Variants in GRM3 observed in about 807,000 individuals in gnomAD.
GRM3 encodes metabotropic glutamate receptor 3.
Under a neutral mutation model 70.5 loss-of-function variants are expected in GRM3, and 26 were observed. The ratio of observed to expected loss-of-function variants is 0.37; its 90% confidence interval spans 0.27 to 0.51. The LOEUF is 0.51. Ranked by LOEUF, GRM3 falls within the 20% of genes least tolerant of loss-of-function variation. The probability of loss-of-function intolerance (pLI) is 0.93; values close to 1 mark genes in which losing one functional copy is unlikely to be tolerated. For missense variants in GRM3, 859 were observed against 1,123.8 expected (o/e 0.76, Z 3.37); for synonymous variants, 443 against 434.9 (o/e 1.02, Z -0.23).
chr7:86,720,825 C>T (rs148283882), intron 1 of GRM3, among the ~76,000 whole-genome samples: 1 of 152,034 alleles, frequency 6.6e-6, no homozygotes, highest in East Asian at 1.9e-4. Context: ...GATGAAGCAC[C>T]TAACTATGGA....
intron 3 of GRM3, among the ~76,000 whole-genome samples, chr7:86,824,102 T>C (rs1798184823): frequency 6.6e-6 from 1 of 152,130 alleles, no homozygotes; most frequent in Non-Finnish European, 1.5e-5. Context: ...CCTCTGTCAG[T>C]CAGCCAGTGA....
intron 1 of GRM3, among the ~76,000 whole-genome samples, chr7:86,724,374 T>C (rs1795543093): frequency 6.6e-6 from 1 of 152,150 alleles, no homozygotes; most frequent in African/African-American, 2.4e-5. Context: ...GAACTTTCAT[T>C]AGTGCAGAGT....
At position 86,659,445 on chromosome 7, in the gene GRM3, A is replaced by T. The variant is rs186221272; in HGVS notation, c.-141+14573A>T. On this transcript the variant is annotated intron_variant, in intron 1 of 5. Coordinates refer to ENST00000361669, the MANE Select transcript of GRM3 (RefSeq NM_000840.3). The stretch of plus-strand genomic sequence containing the variant: ...AAGAGGAAAGTGAAGTACTAACACA[A>T]GGTAACATAGTAAGAGGATAGCTAG... Among the ~76,000 whole-genome samples, 8 of 152,260 alleles carry T rather than the reference A, an allele frequency of 5.3e-5. No homozygotes were observed. In the East Asian group the frequency reaches 1.4e-3, roughly 26 times the overall value.
rs539396413 is a variant in GRM3 at position 86,783,116 on chromosome 7, G to C, written c.469-3145G>C. Among the ~76,000 whole-genome samples the C allele has an allele frequency of 5.9e-5, 9 of 152,254 alleles. No homozygotes were observed. In the South Asian group the frequency reaches 6.2e-4, roughly 11 times the overall value. On this transcript the variant is annotated intron_variant, in intron 2 of 5. Transcript: ENST00000361669. ...CAGAACCAAGCTTTTAGACAAATGA[G>C]ACAGGAACCCAGTTAACAACTACCT...
At chr7:86,730,822 A>G (rs553648420) in intron 1 of GRM3, among the ~76,000 whole-genome samples, 1 of 152,284 alleles carries the variant, frequency 6.6e-6, no homozygotes, top group Non-Finnish European at 1.5e-5. Flanking sequence ...GTCACTTCTA[A>G]TCTTCTACTT....
At chr7:86,857,529 C>G (rs1440980325) in intron 5 of GRM3, among the ~76,000 whole-genome samples, 1 of 152,054 alleles carries the variant, frequency 6.6e-6, no homozygotes. Context: ...GTGGTTTAGA[C>G]CAGAGTGAGA....
chr7:86,753,336 A>G (rs911107248), intron 1 of GRM3, among the ~76,000 whole-genome samples: 9 of 152,168 alleles, frequency 5.9e-5, no homozygotes, highest in African/African-American at 2.2e-4. Context: ...TTACACATAT[A>G]TAAAATGAGA....
intron 1 of GRM3, among the ~76,000 whole-genome samples, chr7:86,750,616 G>C (rs1332021620): frequency 6.6e-6 from 1 of 151,880 alleles, no homozygotes; most frequent in Non-Finnish European, 1.5e-5. Flanking sequence ...AGAGTGACAA[G>C]AGATATTTGC....
chr7:86,719,283 A>G (rs1795396024), intron 1 of GRM3, among the ~76,000 whole-genome samples: 1 of 152,036 alleles, frequency 6.6e-6, no homozygotes, highest in Non-Finnish European at 1.5e-5. Flanking sequence ...GAAAATTAAG[A>G]AACCAGTAGG....
chr7:86,828,044 A>G (rs1011006454), intron 3 of GRM3, among the ~76,000 whole-genome samples: 2 of 147,206 alleles, frequency 1.4e-5, no homozygotes, highest in Non-Finnish European at 3.0e-5. Flanking sequence ...CCCGGGAGGC[A>G]GAGCTTGCAG....
intron 1 of GRM3, among the ~76,000 whole-genome samples, chr7:86,657,543 G>A (rs558397530): frequency 9.8e-5 from 15 of 152,320 alleles, no homozygotes; most frequent in African/African-American, 3.4e-4. Flanking sequence ...AGGTTAGAGT[G>A]TATGGGGGTC....
At chr7:86,795,689 G>T (rs1797533096) in intron 3 of GRM3, among the ~76,000 whole-genome samples, 1 of 152,084 alleles carries the variant, frequency 6.6e-6, no homozygotes, top group African/African-American at 2.4e-5. Context: ...CATTTGGGTT[G>T]GTTCCATGTC....
intron 1 of GRM3, among the ~76,000 whole-genome samples, chr7:86,698,902 G>A (rs1483175027): frequency 6.6e-6 from 1 of 151,898 alleles, no homozygotes; most frequent in East Asian, 1.9e-4. Context: ...AGAAAAACAT[G>A]GCCCCACTAG....
chr7:86,741,421 C>T (rs1562844885), intron 1 of GRM3, among the ~76,000 whole-genome samples: 1 of 152,198 alleles, frequency 6.6e-6, no homozygotes, highest in Non-Finnish European at 1.5e-5. Context: ...GGATCTTCCA[C>T]ACATGGGGCA....
At chr7:86,645,273 G>T (rs558891653) in intron 1 of GRM3, among the ~76,000 whole-genome samples, 1 of 152,290 alleles carries the variant, frequency 6.6e-6, no homozygotes, top group East Asian at 1.9e-4. Context: ...GTGGATACGG[G>T]CGGTTTCATG....
chr7:86,820,911 A>G (rs1461032415), intron 3 of GRM3, among the ~76,000 whole-genome samples: 1 of 152,156 alleles, frequency 6.6e-6, no homozygotes, highest in Non-Finnish European at 1.5e-5. Context: ...GATGACCCCC[A>G]AGGTGGAGAA....
chr7:86,831,841 T>C (rs116499046), intron 3 of GRM3, among the ~76,000 whole-genome samples: 22 of 147,926 alleles, frequency 1.5e-4, no homozygotes, highest in African/African-American at 5.5e-4. Flanking sequence ...TTCTCAAACA[T>C]TCACTTTCTC....
At chr7:86,749,353 G>A (rs1054274840) in intron 1 of GRM3, among the ~76,000 whole-genome samples, 2 of 150,912 alleles carry the variant, frequency 1.3e-5, no homozygotes, top group Non-Finnish European at 3.0e-5. Flanking sequence ...GGGTAGTTCA[G>A]CATCTACACT....
chr7:86,763,502 C>A (rs960432386), intron 1 of GRM3, among the ~76,000 whole-genome samples: 2 of 152,176 alleles, frequency 1.3e-5, no homozygotes, highest in Admixed American at 1.3e-4. Flanking sequence ...TGCAACTAGA[C>A]TACTCCACAC....
Sources: allele counts gnomAD v4.1 joint callset (sites outside exome capture counted in the v4.1 genomes callset), GRCh38; gene constraint gnomAD v4.1.1; transcripts MANE v1.5; gene names NCBI Gene and HGNC (gene_info 2026-07-23, HGNC 2026-07-21).